Variants in COL22A1 observed in about 807,000 individuals in gnomAD.
The protein encoded by COL22A1 is collagen type XXII alpha 1 chain.
COL22A1 carries 221 observed loss-of-function variants against 248.9 expected under a neutral mutation model. That is an observed-to-expected ratio of 0.89 (90% CI 0.80 to 0.99). The LOEUF is 0.99. COL22A1 is among the 50% of genes least tolerant of loss of function. COL22A1 has a pLI of 0.00. For missense variants in COL22A1, 2,240 were observed against 2,179.0 expected (o/e 1.03, Z -0.56); for synonymous variants, 891 against 793.4 (o/e 1.12, Z -2.07).
intron 55 of COL22A1, among the ~76,000 whole-genome samples, chr8:138,614,197 T>C (rs904148360): frequency 6.6e-5 from 10 of 152,200 alleles, no homozygotes; most frequent in African/African-American, 2.2e-4. Context: ...GGTGGCTCCA[T>C]CTTGAAATAA....
intron 47 of COL22A1, among the ~76,000 whole-genome samples, chr8:138,639,560 T>C (rs1387648646): frequency 3.9e-5 from 6 of 152,184 alleles, no homozygotes; most frequent in Non-Finnish European, 8.8e-5. Flanking sequence ...AGGGCTTAAT[T>C]CCCCCTGTTG....
intron 4 of COL22A1, among the ~76,000 whole-genome samples, chr8:138,836,370 C>T (rs1486589268): frequency 6.6e-6 from 1 of 152,250 alleles, no homozygotes; most frequent in Non-Finnish European, 1.5e-5. Context: ...AATGGCCCTG[C>T]ACAGTGTCTG....
chr8:138,877,644 T>C (rs965245474), intron 3 of COL22A1, 106 bp downstream of exon 3: 2 of 1,214,056 alleles, frequency 1.6e-6, no homozygotes, highest in Non-Finnish European at 2.3e-6. Flanking sequence ...TCCCCCGCCT[T>C]CCTGGAGCCG....
At chr8:138,711,671 A>G (rs1258783257) in intron 30 of COL22A1, among the ~76,000 whole-genome samples, 1 of 152,192 alleles carries the variant, frequency 6.6e-6, no homozygotes, top group Non-Finnish European at 1.5e-5. Context: ...CTCCAGCCCC[A>G]GAGAAGGAGG....
At chr8:138,600,467 T>C (rs1817908421) in intron 60 of COL22A1, among the ~76,000 whole-genome samples, 1 of 152,132 alleles carries the variant, frequency 6.6e-6, no homozygotes, top group South Asian at 2.1e-4. Flanking sequence ...ACGTCTGACA[T>C]GCTCAGAGTG....
intron 2 of COL22A1, among the ~76,000 whole-genome samples, chr8:138,880,711 T>G (rs960776197): frequency 6.6e-6 from 1 of 152,222 alleles, no homozygotes; most frequent in African/African-American, 2.4e-5. Context: ...TGACCAGATG[T>G]GCAGACTTGG....
chr8:138,846,542 G>A (rs949917798), intron 3 of COL22A1, among the ~76,000 whole-genome samples: 1 of 152,150 alleles, frequency 6.6e-6, no homozygotes, highest in Non-Finnish European at 1.5e-5. Flanking sequence ...CACCAGGCTC[G>A]AGGGGCAGTT....
chr8:138,760,075 G>A (rs1833329883), intron 18 of COL22A1, among the ~76,000 whole-genome samples, 168 bp downstream of exon 18: 1 of 152,148 alleles, frequency 6.6e-6, no homozygotes, highest in Admixed American at 6.5e-5. Flanking sequence ...ATGATAGCCA[G>A]AAATGTCTTA....
At chr8:138,713,613 T>C (rs944622340) in intron 30 of COL22A1, among the ~76,000 whole-genome samples, 1 of 152,144 alleles carries the variant, frequency 6.6e-6, no homozygotes, top group Admixed American at 6.5e-5. Context: ...TCAGCGATTT[T>C]CCAGTGGACA....
intron 44 of COL22A1, among the ~76,000 whole-genome samples, chr8:138,658,000 G>A (rs1483255129): frequency 6.6e-6 from 1 of 151,886 alleles, no homozygotes; most frequent in Non-Finnish European, 1.5e-5. Flanking sequence ...CTCCATCCTC[G>A]TAAGTTTCTC....
chr8:138,685,115 T>C (rs1826240144), intron 38 of COL22A1, 93 bp downstream of exon 38: 4 of 909,648 alleles, frequency 4.4e-6, no homozygotes, highest in Admixed American at 2.1e-5. Flanking sequence ...CGGTTCAATT[T>C]CTGCAAAGTT....
At chr8:138,711,835 T>C (rs892023722) in intron 30 of COL22A1, among the ~76,000 whole-genome samples, 4 of 152,190 alleles carry the variant, frequency 2.6e-5, no homozygotes, top group African/African-American at 9.6e-5. Context: ...GTGGGTGCCA[T>C]TCCTCCTGAG....
intron 42 of COL22A1, among the ~76,000 whole-genome samples, chr8:138,662,380 G>A (rs10875432): frequency 0.63 from 95,959 of 151,922 alleles, 32,347 homozygotes; most frequent in Non-Finnish European, 0.75. Context: ...CCTGTGGTGA[G>A]ATGGGCCTGA....
intron 3 of COL22A1, 25 bp downstream of exon 3, chr8:138,877,725 C>T (rs745889076): frequency 6.5e-7 from 1 of 1,546,318 alleles, no homozygotes; most frequent in Non-Finnish European, 8.7e-7. Flanking sequence ...TTGGGAGGGG[C>T]CGCATGGGGC....
chr8:138,641,780 C>A (rs1821733556), intron 47 of COL22A1, among the ~76,000 whole-genome samples: 1 of 152,154 alleles, frequency 6.6e-6, no homozygotes, highest in Admixed American at 6.5e-5. Context: ...ATGCCCAGAG[C>A]CTTTGGTTAT....
intron 3 of COL22A1, among the ~76,000 whole-genome samples, chr8:138,857,171 C>T (rs1343474787): frequency 6.6e-6 from 1 of 152,068 alleles, no homozygotes; most frequent in African/African-American, 2.4e-5. Flanking sequence ...CCCATGCCCA[C>T]CTCCAGCTTG....
chr8:138,911,464 T>C (rs1815444391), intron 1 of COL22A1, among the ~76,000 whole-genome samples: 1 of 152,182 alleles, frequency 6.6e-6, no homozygotes, highest in Non-Finnish European at 1.5e-5. Context: ...ATAACCCTGA[T>C]CTTCTAACTC....
rs557120890 is a variant in COL22A1 at position 138,718,687 on chromosome 8, C to G, written c.2356-1818G>C. On this transcript the variant is annotated intron_variant, in intron 27 of 64. Transcript: ENST00000303045. ...AACAAGACCCTCTGCCAGGGCTCCT[C>G]TAGGACTATGAGTATGTTGGAAAAG... 5.3e-5 allele frequency among the ~76,000 whole-genome samples: 8 copies of G among 152,198 alleles called. No individual in the cohort carries two copies. In the East Asian group the frequency reaches 1.5e-3, roughly 29 times the overall value.
At chr8:138,635,324 A>T (rs1225954359) in intron 48 of COL22A1, among the ~76,000 whole-genome samples, 1 of 152,216 alleles carries the variant, frequency 6.6e-6, no homozygotes, top group African/African-American at 2.4e-5. Flanking sequence ...ATGGTTGAGG[A>T]CATAAATGAA....
Sources: allele counts gnomAD v4.1 joint callset (sites outside exome capture counted in the v4.1 genomes callset), GRCh38; gene constraint gnomAD v4.1.1; transcripts MANE v1.5; gene names NCBI Gene and HGNC (gene_info 2026-07-23, HGNC 2026-07-21).